Variants in USH2A observed in about 807,000 individuals in gnomAD.
The protein encoded by USH2A is Usher syndrome 2A (autosomal recessive, mild).
In USH2A, 443 loss-of-function variants were observed where a neutral mutation model predicts 538.9. That is an observed-to-expected ratio of 0.82 (90% CI 0.76 to 0.89). USH2A has a LOEUF of 0.89. Ranked by LOEUF, USH2A falls within the 40% of genes least tolerant of loss-of-function variation. The probability of loss-of-function intolerance (pLI) is 0.00; values close to 1 mark genes in which losing one functional copy is unlikely to be tolerated. For synonymous variants in USH2A, 2,413 were observed against 2,273.5 expected (o/e 1.06, Z -1.75); for missense variants, 6,633 against 6,324.8 (o/e 1.05, Z -1.65).
At chr1:216,367,083 C>G (rs1173920546) in intron 3 of USH2A, among the ~76,000 whole-genome samples, 1 of 152,146 alleles carries the variant, frequency 6.6e-6, no homozygotes, top group East Asian at 1.9e-4. Context: ...TGTCTTTACC[C>G]AGCCAAAAGC....
intron 4 of USH2A, among the ~76,000 whole-genome samples, chr1:216,356,966 G>A (rs990571383): frequency 2.2e-4 from 33 of 151,962 alleles, no homozygotes; most frequent in Admixed American, 5.3e-4. Context: ...AATGATAATC[G>A]TTGTTTGAAT....
chr1:216,348,623 T>C (rs1230463278), intron 4 of USH2A, among the ~76,000 whole-genome samples: 1 of 152,146 alleles, frequency 6.6e-6, no homozygotes, highest in Non-Finnish European at 1.5e-5. Flanking sequence ...TTTTTTAGCA[T>C]TTTATACAAG....
At chr1:215,869,172 A>G (rs1312839692) in intron 43 of USH2A, among the ~76,000 whole-genome samples, 1 of 152,206 alleles carries the variant, frequency 6.6e-6, no homozygotes, top group East Asian at 1.9e-4. Flanking sequence ...AAAATAAGAA[A>G]AACAAGGCTC....
intron 31 of USH2A, among the ~76,000 whole-genome samples, chr1:216,047,809 A>G (rs2030588524): frequency 6.6e-6 from 1 of 152,218 alleles, no homozygotes. Flanking sequence ...CCTCTTATCC[A>G]GAATAGAGAA....
intron 67 of USH2A, 110 bp from the exon 68 acceptor site, chr1:215,640,844 CAAAAAAAA>C (rs56212994): frequency 2.4e-5 from 12 of 496,794 alleles, no homozygotes; most frequent in South Asian, 1.3e-4. Context: ...CCAATCCAAA[CAAAAAAAA>C]AAAAAAAAAA....
At chr1:216,285,814 A>T (rs1477482965) in intron 11 of USH2A, among the ~76,000 whole-genome samples, 2 of 152,216 alleles carry the variant, frequency 1.3e-5, no homozygotes, top group Non-Finnish European at 2.9e-5. Context: ...AAAGGAGATC[A>T]TTTGGTAACT....
chr1:215,951,808 A>T (rs375729877), intron 37 of USH2A, among the ~76,000 whole-genome samples: 19 of 151,952 alleles, frequency 1.3e-4, no homozygotes, highest in Admixed American at 8.5e-4. Flanking sequence ...CCATTCTGTA[A>T]TGGCCTTCTT....
chr1:216,182,586 T>C (rs1238148875), intron 20 of USH2A, among the ~76,000 whole-genome samples: 2 of 152,102 alleles, frequency 1.3e-5, no homozygotes, highest in Non-Finnish European at 2.9e-5. Context: ...AATATCATTT[T>C]AGTTTTAGCA....
intron 37 of USH2A, among the ~76,000 whole-genome samples, chr1:215,937,105 T>C (rs1666521027): frequency 6.6e-6 from 1 of 152,056 alleles, no homozygotes; most frequent in African/African-American, 2.4e-5. Flanking sequence ...GACCCAAAAT[T>C]GGCACATCCA....
chr1:215,841,809 T>G (rs1484052381), intron 46 of USH2A, among the ~76,000 whole-genome samples: 1 of 152,052 alleles, frequency 6.6e-6, no homozygotes, highest in Admixed American at 6.6e-5. Context: ...GACAAAGGTT[T>G]AATATCTAGA....
intron 44 of USH2A, among the ~76,000 whole-genome samples, chr1:215,864,542 C>T (rs1270784906): frequency 6.6e-6 from 1 of 152,124 alleles, no homozygotes; most frequent in Non-Finnish European, 1.5e-5. Context: ...CCAGTTCCAG[C>T]TGATAGTTTC....
chr1:215,639,099 G>T, intron 69 of USH2A, 56 bp downstream of exon 69: 1 of 1,493,802 alleles, frequency 6.7e-7, no homozygotes, highest in Non-Finnish European at 9.3e-7. Context: ...AAACATATGT[G>T]TGTTTCTTGA....
At chr1:215,879,159 C>T (rs1292363536) in intron 41 of USH2A, 61 bp from the exon 42 acceptor site, 1 of 1,460,248 alleles carries the variant, frequency 6.8e-7, no homozygotes, top group Non-Finnish European at 9.6e-7. Context: ...AATTGAAGTT[C>T]ACGAGGCCTA....
rs10525093 is a variant in USH2A, at chr1:216,120,219, C to CAAAAAAA, written c.4628-23013_4628-23007dup. 7.6e-4 allele frequency among the ~76,000 whole-genome samples: 76 copies of CAAAAAAA among 100,020 alleles called. 7 individuals carry two copies. Among genetic ancestry groups the CAAAAAAA allele is most frequent in the East Asian group, 1.9e-3 (4 of 2,156 alleles). The allele number at this position is 100,020 out of a possible 152,430, so 65.6% of individuals were successfully genotyped here. On this transcript the variant is annotated intron_variant, in intron 21 of 71. Coordinates refer to ENST00000307340, the MANE Select transcript of USH2A (RefSeq NM_206933.4). ...TATTAAAACAGGTCATACTAAATAG[C>CAAAAAAA]AAAAAAAAAAAAAAAAAAAAAAAAA... is the stretch of plus-strand genomic sequence containing the variant.
At chr1:215,772,375 G>C (rs1661316180) in intron 55 of USH2A, among the ~76,000 whole-genome samples, 1 of 152,152 alleles carries the variant, frequency 6.6e-6, no homozygotes, top group Non-Finnish European at 1.5e-5. Flanking sequence ...AGTACAGAAA[G>C]GCAAACACAT....
intron 9 of USH2A, among the ~76,000 whole-genome samples, chr1:216,293,567 C>T (rs2037048636): frequency 6.6e-6 from 1 of 152,206 alleles, no homozygotes; most frequent in Non-Finnish European, 1.5e-5. Context: ...TCTCAAACCT[C>T]AGTAGTGACT....
In USH2A at chr1:216,321,965, T is replaced by C; in HGVS notation, c.1562A>G (p.His521Arg). 2 of 1,613,866 alleles carry C rather than the reference T, an allele frequency of 1.2e-6. No homozygotes were observed. Among genetic ancestry groups the C allele is most frequent in the Non-Finnish European group, 1.7e-6 (2 of 1,179,848 alleles). ...TGTGTCGCAGTTATCGGCATGACCA[T>C]GGCACTGACATCTGCAAACATGAGC... is the stretch of plus-strand genomic sequence containing the variant. ...EITISGRCQC[H>R]GHADNCDTTS... The change falls in exon 9 of 72, where the codon CAT becomes CGT. Residue 521 changes from histidine to arginine, a missense_variant. Transcript: ENST00000307340.
intron 9 of USH2A, among the ~76,000 whole-genome samples, chr1:216,299,354 A>G (rs759465021): frequency 6.6e-5 from 10 of 152,108 alleles, no homozygotes; most frequent in Non-Finnish European, 1.3e-4. Context: ...AGTTAAAAAT[A>G]ATATACAGAG....
chr1:216,154,817 C>T (rs1050734918), intron 21 of USH2A, among the ~76,000 whole-genome samples: 3 of 152,044 alleles, frequency 2.0e-5, no homozygotes, highest in Non-Finnish European at 4.4e-5. Flanking sequence ...TTTTATTAAT[C>T]AATTCACCTA....
Sources: allele counts gnomAD v4.1 joint callset (sites outside exome capture counted in the v4.1 genomes callset), GRCh38; gene constraint gnomAD v4.1.1; transcripts MANE v1.5; gene names NCBI Gene and HGNC (gene_info 2026-07-23, HGNC 2026-07-21).